Variants in DIP2C observed in about 807,000 individuals in gnomAD.
DIP2C encodes DIP2 acetate--CoA ligase C (putative), also known as disco-interacting protein 2 homolog C.
A neutral mutation model predicts 192.4 loss-of-function variants in DIP2C; 33 were observed. That is an observed-to-expected ratio of 0.17 (90% CI 0.13 to 0.23). The LOEUF (loss-of-function observed/expected upper bound fraction) is 0.23. DIP2C is among the 10% of genes least tolerant of loss of function. DIP2C has a pLI of 1.00. For synonymous variants in DIP2C, 979 were observed against 864.1 expected, an observed-to-expected ratio of 1.13 and a Z score of -2.33; for missense variants, 1,537 against 2,110.1, an observed-to-expected ratio of 0.73 and a Z score of 5.32.
intron 1 of DIP2C, among the ~76,000 whole-genome samples, chr10:580,934 G>A (rs1357409312): frequency 6.6e-6 from 1 of 151,564 alleles, no homozygotes; most frequent in Admixed American, 6.5e-5. Flanking sequence ...TAAAAAATTA[G>A]AAGTGTGTCC....
At position 586,994 on chromosome 10, in the gene DIP2C, G is replaced by A. The variant is rs116290055; in HGVS notation, c.86-100464C>T. On this transcript the variant is annotated intron_variant, in intron 1 of 36. Transcript: ENST00000280886. ...CTACCCGGGTCCCCACTGACAGCATGGCGAGGTGCAAACAGTGCAGGGTCT... is the reference window on the plus strand; with the variant it reads ...CTACCCGGGTCCCCACTGACAGCATAGCGAGGTGCAAACAGTGCAGGGTCT... Among the ~76,000 whole-genome samples, 1,472 of 152,042 alleles carry A rather than the reference G, an allele frequency of 9.7e-3. 21 individuals are homozygous for A. Among genetic ancestry groups the A allele is most frequent in the African/African-American group, 0.034 (1,393 of 41,492 alleles).
At chr10:418,721 T>C (rs1274763463) in intron 6 of DIP2C, among the ~76,000 whole-genome samples, 1 of 152,276 alleles carries the variant, frequency 6.6e-6, no homozygotes, top group African/African-American at 2.4e-5. Flanking sequence ...TCTAAGTGAC[T>C]GTTCATGGTC....
chr10:552,934 A>G (rs1272960000), intron 1 of DIP2C, among the ~76,000 whole-genome samples: 1 of 152,250 alleles, frequency 6.6e-6, no homozygotes, highest in Non-Finnish European at 1.5e-5. Flanking sequence ...CTCATTGTGG[A>G]GGCCCAGAAG....
At chr10:351,744 C>T (rs914509041) in intron 24 of DIP2C, among the ~76,000 whole-genome samples, 1 of 152,204 alleles carries the variant, frequency 6.6e-6, no homozygotes, top group Non-Finnish European at 1.5e-5. Flanking sequence ...GCCTTTGAAA[C>T]TGGACTGTTC....
chr10:311,344 C>T (rs554975759), intron 31 of DIP2C, among the ~76,000 whole-genome samples: 4 of 152,368 alleles, frequency 2.6e-5, no homozygotes, highest in Admixed American at 1.3e-4. Context: ...CCGCGCACCC[C>T]GGGAAGACAG....
chr10:397,392 T>C (rs112730983), intron 10 of DIP2C, among the ~76,000 whole-genome samples: 5 of 152,100 alleles, frequency 3.3e-5, no homozygotes, highest in African/African-American at 1.2e-4. Flanking sequence ...TAGCCGGGTG[T>C]GGTGGCACAC....
rs975055375 is a variant in DIP2C at position 668,052 on chromosome 10, TACAC to T, written c.85+21438_85+21441del. The T allele has an allele frequency of 2.7e-5, 4 of 149,294 alleles. No homozygotes were observed. In the East Asian group the frequency reaches 8.1e-4, roughly 30 times the overall value. 9.2% of individuals were successfully genotyped at this position (149,294 alleles called of 1,614,324 possible). ...AACACATGCAACTCACAACACAACA[TACAC>T]ATACAACACACTCATACAACACACA... On this transcript the variant is annotated intron_variant, in intron 1 of 36. Coordinates refer to ENST00000280886, the MANE Select transcript of DIP2C (RefSeq NM_014974.3).
rs367983169 is a variant in DIP2C, at chr10:358,025, C to T, written c.2795-88G>A. The T allele has an allele frequency of 4.5e-4, 420 of 925,630 alleles. 3 individuals carry two copies. In the South Asian group the frequency reaches 6.0e-3, roughly 13 times the overall value. The allele number at this position is 925,630 out of a possible 1,614,324, so 57.3% of individuals were successfully genotyped here. On this transcript the variant is annotated intron_variant, in intron 22 of 36. Coordinates refer to ENST00000280886, the MANE Select transcript of DIP2C (RefSeq NM_014974.3). ...CCCACTTTGGTAAAGACCTTACTCT[C>T]GGAAAACTTCTGGAAAGACCTGGCT...
chr10:521,531 C>T (rs990946204), intron 1 of DIP2C, among the ~76,000 whole-genome samples: 1 of 152,216 alleles, frequency 6.6e-6, no homozygotes, highest in Non-Finnish European at 1.5e-5. Context: ...TGGGGTGAGA[C>T]CATGAGCATC....
At chr10:598,650 A>C (rs892889800) in intron 1 of DIP2C, among the ~76,000 whole-genome samples, 1 of 151,168 alleles carries the variant, frequency 6.6e-6, no homozygotes, top group Non-Finnish European at 1.5e-5. Flanking sequence ...GAAGTCATTC[A>C]TTCCCCAAAT....
intron 3 of DIP2C, among the ~76,000 whole-genome samples, chr10:463,099 C>T (rs2133387505): frequency 6.6e-6 from 1 of 152,270 alleles, no homozygotes; most frequent in African/African-American, 2.4e-5. Flanking sequence ...ACTTTGAAAA[C>T]TGGCACAAGA....
intron 1 of DIP2C, among the ~76,000 whole-genome samples, chr10:612,781 G>C (rs117405918): frequency 8.0e-4 from 122 of 152,244 alleles, no homozygotes; most frequent in Non-Finnish European, 1.5e-3. Context: ...TTTGAACAGA[G>C]TCTCAAGAAA....
rs111656175 is a variant in DIP2C at position 422,758 on chromosome 10, A to AGAG, written c.604+63_604+65dup. ...GGGATTCCGCTGCAACGATGCAAACAGAGAATGTGCACACACAAAGGCGTT... is the reference window on the plus strand; with the variant it reads ...GGGATTCCGCTGCAACGATGCAAACAGAGGAGAATGTGCACACACAAAGGCGTT... On this transcript the variant is annotated intron_variant, in intron 5 of 36. Coordinates refer to ENST00000280886, the MANE Select transcript of DIP2C (RefSeq NM_014974.3). 3.2e-3 allele frequency: 4,929 copies of AGAG among 1,530,562 alleles called. 33 individuals carry two copies. The highest frequency in any genetic ancestry group is 0.015 in the East Asian group (652 of 44,068). 94.8% of individuals were successfully genotyped at this position (1,530,562 alleles called of 1,614,324 possible).
At chr10:463,661 C>CA (rs1304905044) in intron 3 of DIP2C, among the ~76,000 whole-genome samples, 1 of 152,004 alleles carries the variant, frequency 6.6e-6, no homozygotes, top group Non-Finnish European at 1.5e-5. Flanking sequence ...CATATGGAAC[C>CA]AAAAAACAGA....
chr10:362,147 G>A (rs1476460850), intron 22 of DIP2C, among the ~76,000 whole-genome samples: 2 of 152,116 alleles, frequency 1.3e-5, no homozygotes, highest in African/African-American at 2.4e-5. Flanking sequence ...AGAAATGAAA[G>A]AGCAACCATA....
chr10:578,267 G>A (rs1004598505), intron 1 of DIP2C, among the ~76,000 whole-genome samples: 1 of 152,112 alleles, frequency 6.6e-6, no homozygotes. Flanking sequence ...ACACTAGGAG[G>A]GATTTTGCTA....
intron 8 of DIP2C, among the ~76,000 whole-genome samples, chr10:411,765 G>A (rs1431416699): frequency 1.3e-5 from 2 of 151,962 alleles, no homozygotes; most frequent in African/African-American, 2.4e-5. Flanking sequence ...CTCATTCGAC[G>A]AGCTTGTTTC....
intron 1 of DIP2C, among the ~76,000 whole-genome samples, chr10:567,436 C>G (rs1849521883): frequency 6.6e-6 from 1 of 152,112 alleles, no homozygotes; most frequent in Non-Finnish European, 1.5e-5. Context: ...GTGATCCACC[C>G]ACCTCAGCCT....
intron 1 of DIP2C, among the ~76,000 whole-genome samples, chr10:592,590 A>T (rs562992619): frequency 2.0e-5 from 3 of 152,200 alleles, no homozygotes; most frequent in Non-Finnish European, 2.9e-5. Context: ...CTGCTTAGAA[A>T]GGGTATGGTT....
Sources: gnomAD v4.1 joint callset for allele counts (sites outside exome capture counted in the v4.1 genomes callset) on GRCh38, gnomAD v4.1.1 for gene constraint, MANE v1.5 for transcripts, NCBI Gene and HGNC (gene_info 2026-07-23, HGNC 2026-07-21) for gene names.